Variants in UBA2 observed in about 807,000 individuals in gnomAD.
UBA2 encodes the protein SUMO-activating enzyme subunit 2.
A neutral mutation model predicts 77.2 loss-of-function variants in UBA2; 11 were observed. The ratio of observed to expected loss-of-function variants is 0.14; its 90% CI spans 0.09 to 0.24. The LOEUF (loss-of-function observed/expected upper bound fraction) is 0.24, where lower values mean the gene tolerates loss of function less well. UBA2 is among the 10% of genes least tolerant of loss of function. The pLI, the probability that UBA2 is intolerant of heterozygous loss-of-function variation, is 1.00. For missense variants in UBA2, 487 were observed against 781.7 expected, an observed-to-expected ratio of 0.62 and a Z score of 4.50; for synonymous variants, 278 against 276.7, an observed-to-expected ratio of 1.00 and a Z score of -0.05.
At chr19:34,440,903 G>A (rs1236108590) in intron 6 of UBA2, among the ~76,000 whole-genome samples, 2 of 140,812 alleles carry the variant, frequency 1.4e-5, no homozygotes, top group Admixed American at 1.5e-4. Flanking sequence ...TCCAGCCTGG[G>A]CAACAGAGCA....
intron 2 of UBA2, among the ~76,000 whole-genome samples, chr19:34,431,166 C>G (rs2075249004): frequency 1.3e-5 from 2 of 151,726 alleles, no homozygotes; most frequent in South Asian, 4.2e-4. Context: ...GGAGTACTTT[C>G]CTAAACCTTT....
Position 34,458,770 on chromosome 19 carries a change from T to C in UBA2, c.1247T>C (p.Ile416Thr). 1 of 1,605,968 alleles carries C rather than the reference T, an allele frequency of 6.2e-7. No homozygotes were observed. Among genetic ancestry groups the C allele is most frequent in the Non-Finnish European group, 8.5e-7 (1 of 1,176,704 alleles). Residue 416 changes from isoleucine (I) to threonine (T), a missense_variant and splice_region_variant, in exon 13 of 17, where the codon ATT becomes ACT. Transcript: ENST00000246548. The part of the protein sequence containing the change: ...LSGKIDQCRT[I>T]FLNKQPNPRK... ...CTGCCTGTTATTTCTCCTCCAAAGATTTTTTTGAATAAACAACCAAACCCA... is the reference window on the plus strand; with the variant it reads ...CTGCCTGTTATTTCTCCTCCAAAGACTTTTTTGAATAAACAACCAAACCCA...
At chr19:34,428,759 C>T (rs1392156932) in intron 1 of UBA2, 189 bp downstream of exon 1, 2 of 1,127,228 alleles carry the variant, frequency 1.8e-6, no homozygotes, top group East Asian at 3.4e-5. Context: ...GGGCACGGGG[C>T]GGGCCTCCGC....
intron 1 of UBA2, among the ~76,000 whole-genome samples, chr19:34,429,453 G>A (rs1276277080): frequency 6.6e-6 from 1 of 152,056 alleles, no homozygotes; most frequent in Non-Finnish European, 1.5e-5. Context: ...TTTCCTTTAT[G>A]TATTATATAT....
chr19:34,433,073 C>T (rs1017775116), intron 3 of UBA2, among the ~76,000 whole-genome samples: 1 of 152,156 alleles, frequency 6.6e-6, no homozygotes, highest in African/African-American at 2.4e-5. Context: ...CAAAGAAGGC[C>T]TAGTGGGACT....
rs373339650 is a variant in UBA2 at position 34,432,507 on chromosome 19, A to G, written c.293+576A>G. Reference sequence around the variant, plus strand: ...GTTAAAAATAGTCCTTGTTTGAGGTACTGGAATTGAGGTACTTAACACTTT... The same window carrying G: ...GTTAAAAATAGTCCTTGTTTGAGGTGCTGGAATTGAGGTACTTAACACTTT... On this transcript the variant is annotated intron_variant, in intron 3 of 16. Transcript: ENST00000246548. Among the ~76,000 whole-genome samples, 41 of 152,260 alleles carry G rather than the reference A, an allele frequency of 2.7e-4. 1 individual carries two copies. In the South Asian group the frequency reaches 8.5e-3, roughly 32 times the overall value.
intron 16 of UBA2, among the ~76,000 whole-genome samples, chr19:34,467,280 C>G (rs368523604): frequency 6.6e-6 from 1 of 151,012 alleles, no homozygotes; most frequent in East Asian, 1.9e-4. Flanking sequence ...ACAGCCTGGG[C>G]AACACAATGA....
At chr19:34,460,131 C>T (rs1238169685) in intron 13 of UBA2, among the ~76,000 whole-genome samples, 2 of 152,150 alleles carry the variant, frequency 1.3e-5, no homozygotes, top group African/African-American at 4.8e-5. Context: ...AAACCCCTGC[C>T]ATTACAGGGT....
Position 34,450,393 on chromosome 19 carries a change from C to T in UBA2, c.871+29C>T, listed in dbSNP as rs561688106. 74 of 1,489,300 alleles carry T rather than the reference C, an allele frequency of 5.0e-5. 1 individual carries two copies. In the South Asian group the frequency reaches 7.3e-4, roughly 15 times the overall value. The allele number at this position is 1,489,300 out of a possible 1,614,324, so 92.3% of individuals were successfully genotyped here. ...AAGAATACATTTTAGTCTTGGAACA[C>T]CTAAGCTGGAAATATCCTCGCGTAA... On this transcript the variant is annotated intron_variant, in intron 9 of 16. Coordinates refer to ENST00000246548, the MANE Select transcript of UBA2 (RefSeq NM_005499.3).
Position 34,431,649 on chromosome 19 carries a change from AG to A in UBA2, c.223-205del, listed in dbSNP as rs962397078. ...AAGTGTGTTTGGTGGTACGTGGGTC[AG>A]GGGGGGCTCTCCGGTTATTTTATAA... is the stretch of plus-strand genomic sequence containing the variant. On this transcript the variant is annotated intron_variant, in intron 2 of 16. Coordinates refer to ENST00000246548, the MANE Select transcript of UBA2 (RefSeq NM_005499.3). Among the ~76,000 whole-genome samples the A allele has an allele frequency of 6.7e-5, 10 of 149,268 alleles. No individual in the cohort carries two copies. The South Asian group carries it at 1.0e-3, about 15-fold the overall frequency.
Position 34,452,163 on chromosome 19 carries a change from G to A in UBA2, c.1038+16G>A, listed in dbSNP as rs747100431. On this transcript the variant is annotated intron_variant, in intron 10 of 16. Coordinates refer to ENST00000246548, the MANE Select transcript of UBA2 (RefSeq NM_005499.3). ...ATGGGATAAGGTTCGTTTTGACAAT[G>A]TGTGGCAAGTACTTACATGTCAAAA... is the stretch of plus-strand genomic sequence containing the variant. 7.7e-6 allele frequency: 12 copies of A among 1,564,004 alleles called. No individual in the cohort carries two copies. In the East Asian group the frequency reaches 1.6e-4, roughly 21 times the overall value.
At position 34,450,280 on chromosome 19, in the gene UBA2, A is replaced by G. The variant is rs764196256; in HGVS notation, c.787A>G (p.Ile263Val). The G allele has an allele frequency of 9.3e-6, 15 of 1,610,616 alleles. No homozygotes were observed. The highest frequency in any genetic ancestry group is 6.7e-5 in the East Asian group (3 of 44,804). ...CTTTTGTAAGCTTTTTAAAGATGAC[A>G]TCAGGTATCTGTTGACAATGGACAA... The part of the protein sequence containing the change: ...KLFTKLFKDD[I>V]RYLLTMDKLW... Residue 263 changes from isoleucine (I) to valine (V), a missense_variant, in exon 9 of 17, where the codon ATC becomes GTC. Coordinates refer to ENST00000246548, the MANE Select transcript of UBA2 (RefSeq NM_005499.3).
intron 5 of UBA2, among the ~76,000 whole-genome samples, chr19:34,436,497 CTA>C (rs1222688592): frequency 2.6e-5 from 4 of 152,106 alleles, no homozygotes; most frequent in African/African-American, 9.7e-5. Context: ...CGGGGTTTCT[CTA>C]TGTTGGTCAG....
rs2075210043 is a variant in UBA2 at position 34,428,428 on chromosome 19, C to T, written c.-5C>T. The T allele has an allele frequency of 2.4e-6, 3 of 1,261,546 alleles. No individual in the cohort carries two copies. Among genetic ancestry groups the T allele is most frequent in the Admixed American group, 3.8e-5 (1 of 26,308 alleles). The allele number at this position is 1,261,546 out of a possible 1,614,324, so 78.1% of individuals were successfully genotyped here. A position where few individuals can be genotyped will look rare whatever the true frequency, so the allele number is the denominator to read the frequency against. ...GCCTCCGCCGCGGCTCGTGGTTGTC[C>T]CGCCATGGCACTGTCGCGGGGGCTG... On this transcript the variant is annotated 5_prime_UTR_variant, in exon 1 of 17. Coordinates refer to ENST00000246548, the MANE Select transcript of UBA2 (RefSeq NM_005499.3).
intron 12 of UBA2, among the ~76,000 whole-genome samples, chr19:34,457,179 A>AAAATATATATAT (rs1262007864): frequency 3.8e-4 from 20 of 53,222 alleles, no homozygotes; most frequent in South Asian, 1.1e-3. Flanking sequence ...AAAAAAAAAA[A>AAAATATATATAT]ATATATATAT....
At chr19:34,465,604 C>A (rs2075679017) in intron 15 of UBA2, among the ~76,000 whole-genome samples, 1 of 149,168 alleles carries the variant, frequency 6.7e-6, no homozygotes, top group Non-Finnish European at 1.5e-5. Flanking sequence ...CCATTGCACT[C>A]CAGCCTGGGC....
At chr19:34,465,882 G>A (rs1010700079) in intron 15 of UBA2, among the ~76,000 whole-genome samples, 1 of 152,112 alleles carries the variant, frequency 6.6e-6, no homozygotes, top group Non-Finnish European at 1.5e-5. Context: ...AGCTCTCTGG[G>A]AACAGAACCC....
chr19:34,438,572 G>A (rs2075335211), intron 5 of UBA2, 73 bp from the exon 6 acceptor site: 5 of 1,541,456 alleles, frequency 3.2e-6, no homozygotes, highest in African/African-American at 2.8e-5. Context: ...GATGAATGAA[G>A]TGTTTATATT....
intron 4 of UBA2, among the ~76,000 whole-genome samples, chr19:34,434,592 A>G (rs919219785): frequency 1.3e-5 from 2 of 152,236 alleles, no homozygotes; most frequent in East Asian, 3.8e-4. Context: ...AAGGTACAGC[A>G]ATAGAAGAGA....
Sources: gnomAD v4.1 joint callset for allele counts (sites outside exome capture counted in the v4.1 genomes callset) on GRCh38, gnomAD v4.1.1 for gene constraint, MANE v1.5 for transcripts, NCBI Gene and HGNC (gene_info 2026-07-23, HGNC 2026-07-21) for gene names.